DNAH5: variants seen among roughly 807,000 people sequenced by gnomAD.
DNAH5 encodes axonemal beta dynein heavy chain 5.
A neutral mutation model predicts 518.2 loss-of-function variants in DNAH5; 372 were observed. The observed-to-expected ratio is 0.72, with a 90% CI of 0.66 to 0.78. The LOEUF is 0.78. Ranked by LOEUF, DNAH5 falls within the 30% of genes least tolerant of loss-of-function variation. DNAH5 has a pLI of 0.00. For synonymous variants in DNAH5, 2,039 were observed against 2,025.9 expected (o/e 1.01, Z -0.17); for missense variants, 5,523 against 5,687.0 (o/e 0.97, Z 0.93).
chr5:13,931,103 A>C lies in DNAH5; in HGVS notation c.192+7T>G. On this transcript the variant is annotated splice_region_variant and intron_variant, in intron 2 of 78. Transcript: ENST00000265104. ...ATCAAGTCAGTGAGAAGTGAAACGC[A>C]TCCCACCTGATTCCCTTCAAGAATG... The C allele has an allele frequency of 6.2e-7, 1 of 1,614,056 alleles. No homozygotes were observed. The highest frequency in any genetic ancestry group is 8.5e-7 in the Non-Finnish European group (1 of 1,179,946).
At chr5:13,842,425 A>AGAAAGAGAGAGAG (rs760062438) in intron 32 of DNAH5, among the ~76,000 whole-genome samples, 4 of 38,096 alleles carry the variant, frequency 1.0e-4, no homozygotes, top group African/African-American at 2.2e-4. Context: ...AAGAAAAGAA[A>AGAAAGAGAGAGAG]AGAAAGAAAG....
intron 55 of DNAH5, among the ~76,000 whole-genome samples, chr5:13,771,645 C>T (rs532470884): frequency 6.6e-6 from 1 of 152,290 alleles, no homozygotes; most frequent in Admixed American, 6.5e-5. Flanking sequence ...TCACCATGTA[C>T]ACTGAATGCC....
At position 13,827,742 on chromosome 5, in the gene DNAH5, G is replaced by A. The variant is rs139781730; in HGVS notation, c.6444+1768C>T. ...TGTGTTCCCACCCAAATCTCATCCC[G>A]AAGTGTAGTTCCATAATCCCCACAT... is the stretch of plus-strand genomic sequence containing the variant. On this transcript the variant is annotated intron_variant, in intron 38 of 78. Coordinates refer to ENST00000265104, the MANE Select transcript of DNAH5 (RefSeq NM_001369.3). Among the ~76,000 whole-genome samples, 216 of 152,050 alleles carry A rather than the reference G, an allele frequency of 1.4e-3. 2 individuals carry two copies. The highest frequency in any genetic ancestry group is 2.2e-3 in the Non-Finnish European group (151 of 67,984).
chr5:13,716,765 T>C (rs1744337718), intron 73 of DNAH5, 75 bp from the exon 74 acceptor site: 2 of 984,368 alleles, frequency 2.0e-6, no homozygotes, highest in Admixed American at 1.9e-5. Context: ...GTCACACCCA[T>C]GTATTCACTT....
intron 36 of DNAH5, 86 bp downstream of exon 36, chr5:13,830,511 A>G: frequency 6.8e-7 from 1 of 1,480,374 alleles, no homozygotes; most frequent in East Asian, 2.3e-5. Context: ...TGATTCTAAA[A>G]TGTGGCCAAT....
At chr5:13,790,533 G>C (rs577002442) in intron 50 of DNAH5, among the ~76,000 whole-genome samples, 1 of 152,150 alleles carries the variant, frequency 6.6e-6, no homozygotes, top group Non-Finnish European at 1.5e-5. Flanking sequence ...TCAAGGGAGA[G>C]ACCACAAGGA....
chr5:13,791,475 TCTC>T (rs33985439), intron 50 of DNAH5, among the ~76,000 whole-genome samples: 38,392 of 152,034 alleles, frequency 0.25, 5,078 homozygotes, highest in South Asian at 0.34. Flanking sequence ...AGCTGCTGCC[TCTC>T]CTCAACTTTA....
At chr5:13,840,423 A>G (rs1372869358) in intron 34 of DNAH5, among the ~76,000 whole-genome samples, 1 of 152,204 alleles carries the variant, frequency 6.6e-6, no homozygotes, top group Non-Finnish European at 1.5e-5. Flanking sequence ...GTAACACCTG[A>G]ATGTCAGAAG....
At chr5:14,007,480 T>C (rs1784800180) in intron 1 of DNAH5, among the ~76,000 whole-genome samples, 2 of 152,214 alleles carry the variant, frequency 1.3e-5, no homozygotes, top group South Asian at 2.1e-4. Flanking sequence ...AAGAAAGATA[T>C]TCTCATATTC....
At position 13,919,173 on chromosome 5, in the gene DNAH5, G is replaced by A. The variant is rs754023963; in HGVS notation, c.975+3C>T. ...CACAAGGCAAAATGAAATGGCTGACGACCTTCAGCAGTTTCGACTTGGCCG... is the reference window on the plus strand; with the variant it reads ...CACAAGGCAAAATGAAATGGCTGACAACCTTCAGCAGTTTCGACTTGGCCG... On this transcript the variant is annotated splice_donor_region_variant and intron_variant, in intron 7 of 78. Transcript: ENST00000265104. The A allele has an allele frequency of 2.5e-6, 4 of 1,613,810 alleles. No homozygotes were observed. Among genetic ancestry groups the A allele is most frequent in the South Asian group, 2.2e-5 (2 of 91,044 alleles).
At chr5:13,979,064 A>G (rs982824898) in intron 1 of DNAH5, among the ~76,000 whole-genome samples, 1 of 151,896 alleles carries the variant, frequency 6.6e-6, no homozygotes, top group Non-Finnish European at 1.5e-5. Context: ...CAGACACCCT[A>G]GTTCCTTCCC....
chr5:13,815,444 A>T (rs149616911), intron 42 of DNAH5, among the ~76,000 whole-genome samples: 1 of 152,134 alleles, frequency 6.6e-6, no homozygotes, highest in Middle Eastern at 3.2e-3. Flanking sequence ...TGCCCCTATA[A>T]AGAGACCTCA....
intron 30 of DNAH5, among the ~76,000 whole-genome samples, chr5:13,858,804 TA>T (rs1767982643): frequency 6.6e-6 from 1 of 152,316 alleles, no homozygotes; most frequent in African/African-American, 2.4e-5. Flanking sequence ...ATCATGCTTC[TA>T]AAACTGAAAT....
intron 1 of DNAH5, among the ~76,000 whole-genome samples, chr5:14,006,396 G>T (rs1000954120): frequency 6.6e-6 from 1 of 152,154 alleles, no homozygotes; most frequent in Admixed American, 6.5e-5. Flanking sequence ...CCAGAAATTT[G>T]CTTTCTCACA....
intron 47 of DNAH5, among the ~76,000 whole-genome samples, chr5:13,799,796 C>A (rs1386110708): frequency 6.6e-6 from 1 of 151,842 alleles, no homozygotes; most frequent in Non-Finnish European, 1.5e-5. Context: ...GGGATGGAAC[C>A]CAAATCTAAA....
intron 1 of DNAH5, among the ~76,000 whole-genome samples, chr5:13,960,305 C>A (rs1045402465): frequency 6.6e-6 from 1 of 152,114 alleles, no homozygotes; most frequent in East Asian, 1.9e-4. Flanking sequence ...GATGAGTGAA[C>A]CCCAACACTG....
intron 40 of DNAH5, among the ~76,000 whole-genome samples, chr5:13,822,237 CT>C (rs200658842): frequency 0.22 from 31,483 of 145,536 alleles, 3,421 homozygotes; most frequent in East Asian, 0.53. Flanking sequence ...TTTTGATTTC[CT>C]TTTTTTTTTT....
rs199655275 is a variant in DNAH5 at position 13,736,062 on chromosome 5, G to A, written c.11456-130C>T. 128 of 719,692 alleles carry A rather than the reference G, an allele frequency of 1.8e-4. 1 individual carries two copies. In the East Asian group the frequency reaches 2.3e-3, roughly 13 times the overall value. 44.6% of individuals were successfully genotyped at this position (719,692 alleles called of 1,614,324 possible). On this transcript the variant is annotated intron_variant, in intron 66 of 78. Coordinates refer to ENST00000265104, the MANE Select transcript of DNAH5 (RefSeq NM_001369.3). ...TAGGCAGTGGCTGCCTACCAGATAC[G>A]GGATACAAAGCGATATTCATTTATT... is the stretch of plus-strand genomic sequence containing the variant.
rs1217408585 is a variant in DNAH5, at chr5:13,930,366, C to T, written c.192+744G>A. Among the ~76,000 whole-genome samples the T allele has an allele frequency of 2.0e-5, 3 of 152,156 alleles. No individual in the cohort carries two copies. The South Asian group carries it at 6.2e-4, about 32-fold the overall frequency. ...AGATTTTCAAACTAGTACCTCCCTGCCTACTTCCTCCAACCTTGCCCAAAT... is the reference window on the plus strand; with the variant it reads ...AGATTTTCAAACTAGTACCTCCCTGTCTACTTCCTCCAACCTTGCCCAAAT... On this transcript the variant is annotated intron_variant, in intron 2 of 78. Transcript: ENST00000265104.
Sources: allele counts gnomAD v4.1 joint callset (sites outside exome capture counted in the v4.1 genomes callset), GRCh38; gene constraint gnomAD v4.1.1; transcripts MANE v1.5; gene names NCBI Gene and HGNC (gene_info 2026-07-23, HGNC 2026-07-21).